The following ZC3H12B variants were observed in gnomAD, a reference collection of about 807,000 sequenced individuals.
The protein encoded by ZC3H12B is probable ribonuclease ZC3H12B.
A neutral mutation model predicts 43.9 loss-of-function variants in ZC3H12B; 7 were observed. That is an observed-to-expected ratio of 0.16 (90% CI 0.09 to 0.30). The LOEUF (loss-of-function observed/expected upper bound fraction) is 0.30. ZC3H12B is among the 10% of genes least tolerant of loss of function. The pLI is 1.00. For synonymous variants in ZC3H12B, 222 were observed against 241.7 expected (o/e 0.92, Z 0.76); for missense variants, 475 against 670.2 (o/e 0.71, Z 3.22).
chrX:65,415,329 A>G (rs2066947505), intron 3 of ZC3H12B, among the ~76,000 whole-genome samples: 1 of 112,800 alleles, frequency 8.9e-6, no homozygotes, highest in Admixed American at 9.3e-5. Context: ...GGAGGAAAAG[A>G]CATGGAAAGG....
At chrX:65,177,164 G>T in the ZC3H12B span, among the ~76,000 whole-genome samples, 6 of 111,961 alleles carry the variant, frequency 5.4e-5, no homozygotes, top group Admixed American at 9.5e-5. Context: ...ATAAACAGAA[G>T]CAATGACAAA....
chrX:65,229,443 C>T, the ZC3H12B span, among the ~76,000 whole-genome samples: 1 of 107,666 alleles, frequency 9.3e-6, no homozygotes. Context: ...AGAAGAAAAC[C>T]TAGGCATTAC....
intron 2 of ZC3H12B, among the ~76,000 whole-genome samples, chrX:65,384,533 T>A (rs748769346): frequency 7.2e-4 from 80 of 111,170 alleles, no homozygotes; most frequent in Non-Finnish European, 1.2e-3. Flanking sequence ...AAATTTTTTT[T>A]AAAAAGGAAA....
the ZC3H12B span, among the ~76,000 whole-genome samples, chrX:65,293,076 G>T: frequency 8.9e-6 from 1 of 112,028 alleles, no homozygotes; most frequent in South Asian, 3.7e-4. Context: ...GGTCAAAGAA[G>T]AATTCTCAAG....
At chrX:65,160,547 G>A in the ZC3H12B span, among the ~76,000 whole-genome samples, 53 of 111,634 alleles carry the variant, frequency 4.7e-4, no homozygotes, top group African/African-American at 1.5e-3. Context: ...GTTTATTTGC[G>A]TAGAGGTGTT....
chrX:65,118,567 C>T, the ZC3H12B span, among the ~76,000 whole-genome samples: 1 of 111,257 alleles, frequency 9.0e-6, no homozygotes, highest in Non-Finnish European at 1.9e-5. Flanking sequence ...TTTCTCCTGC[C>T]TGATTGCCTC....
At chrX:65,387,317 T>G (rs914368255) in intron 2 of ZC3H12B, among the ~76,000 whole-genome samples, 1 of 112,050 alleles carries the variant, frequency 8.9e-6, no homozygotes, top group Non-Finnish European at 1.9e-5. Flanking sequence ...TTTATGAATC[T>G]GGGTGCTCCT....
chrX:65,404,212 C>A (rs999580465), intron 3 of ZC3H12B, among the ~76,000 whole-genome samples: 2 of 111,168 alleles, frequency 1.8e-5, no homozygotes, highest in Non-Finnish European at 3.8e-5. Context: ...ACAGTAACCT[C>A]AAACAAACAA....
intron 3 of ZC3H12B, among the ~76,000 whole-genome samples, chrX:65,451,070 C>T (rs961865140): frequency 3.7e-5 from 4 of 108,106 alleles, no homozygotes; most frequent in South Asian, 4.0e-4. Flanking sequence ...GCCTCAGCCT[C>T]GCAAACAACT....
chrX:65,178,151 A>G, the ZC3H12B span, among the ~76,000 whole-genome samples: 3 of 112,166 alleles, frequency 2.7e-5, no homozygotes, highest in African/African-American at 9.7e-5. Context: ...TGAGAAACAC[A>G]AGCAATGGGG....
At chrX:65,400,305 A>G (rs2066748174) in intron 3 of ZC3H12B, among the ~76,000 whole-genome samples, 1 of 111,501 alleles carries the variant, frequency 9.0e-6, no homozygotes, top group African/African-American at 3.3e-5. Context: ...TGCATAGACA[A>G]CTCAGAGAAT....
chrX:65,119,665 T>C, the ZC3H12B span, among the ~76,000 whole-genome samples: 1 of 111,900 alleles, frequency 8.9e-6, no homozygotes, highest in Non-Finnish European at 1.9e-5. Flanking sequence ...ATCCCATTTG[T>C]CAATTTTGGC....
Position 65,391,922 on chromosome X carries a change from C to T in ZC3H12B, n.296-6671C>T, listed in dbSNP as rs192640948. ...CTGGGATTGCAGGTGCGCACCACCACGCCTGACTGGTTTTTGTATTTTTTG... is the reference window on the plus strand; with the variant it reads ...CTGGGATTGCAGGTGCGCACCACCATGCCTGACTGGTTTTTGTATTTTTTG... On this transcript the variant is annotated intron_variant and non_coding_transcript_variant, in intron 2 of 5. Transcript: ENST00000617377. Among the ~76,000 whole-genome samples the T allele has an allele frequency of 3.1e-4, 34 of 111,469 alleles. No homozygotes were observed. In the East Asian group the frequency reaches 6.3e-3, roughly 20 times the overall value.
intron 3 of ZC3H12B, among the ~76,000 whole-genome samples, chrX:65,438,047 T>C (rs775941462): frequency 8.9e-5 from 10 of 112,153 alleles, no homozygotes; most frequent in African/African-American, 1.9e-4. Flanking sequence ...TCTAGTTTTA[T>C]TTCTGGTTTC....
the ZC3H12B span, among the ~76,000 whole-genome samples, chrX:65,138,434 A>T: frequency 8.9e-6 from 1 of 112,041 alleles, no homozygotes; most frequent in African/African-American, 3.2e-5. Flanking sequence ...AAGGCTGAAT[A>T]CAATTTTATT....
At chrX:65,279,543 T>A in the ZC3H12B span, among the ~76,000 whole-genome samples, 3 of 111,026 alleles carry the variant, frequency 2.7e-5, no homozygotes, top group African/African-American at 9.8e-5. Flanking sequence ...CTGGACCCCA[T>A]CCTTAACACC....
chrX:65,223,196 A>C, the ZC3H12B span, among the ~76,000 whole-genome samples: 1 of 111,830 alleles, frequency 8.9e-6, no homozygotes, highest in African/African-American at 3.2e-5. Flanking sequence ...AGAAGAATGA[A>C]ACTGAATCCT....
At chrX:65,418,418 C>G (rs2066984098) in intron 3 of ZC3H12B, among the ~76,000 whole-genome samples, 1 of 111,651 alleles carries the variant, frequency 9.0e-6, no homozygotes, top group Admixed American at 9.6e-5. Flanking sequence ...AGCTCTGTCA[C>G]TACTCTTCTC....
the ZC3H12B span, among the ~76,000 whole-genome samples, chrX:65,193,488 C>A: frequency 9.0e-6 from 1 of 111,245 alleles, no homozygotes; most frequent in Admixed American, 9.5e-5. Context: ...GTAATGTTTC[C>A]TTTTTATCTC....
Sources: gnomAD v4.1 joint callset for allele counts (sites outside exome capture counted in the v4.1 genomes callset) on GRCh38, gnomAD v4.1.1 for gene constraint, MANE v1.5 for transcripts, NCBI Gene and HGNC (gene_info 2026-07-23, HGNC 2026-07-21) for gene names.